FOXN2: variants seen among roughly 807,000 people sequenced by gnomAD.
The protein encoded by FOXN2 is forkhead box N2, also known as forkhead box protein N2.
In FOXN2, 19 loss-of-function variants were observed where a neutral mutation model predicts 41.2. The ratio of observed to expected loss-of-function variants is 0.46; its 90% confidence interval spans 0.32 to 0.68. FOXN2 has a LOEUF of 0.68. FOXN2 is among the 30% of genes least tolerant of loss of function. The pLI is 0.03. For synonymous variants in FOXN2, 195 were observed against 176.8 expected (o/e 1.10, Z -0.82); for missense variants, 587 against 509.4 (o/e 1.15, Z -1.47).
chr2:48,354,870 C>G (rs1015349585), intron 3 of FOXN2, among the ~76,000 whole-genome samples: 1 of 152,036 alleles, frequency 6.6e-6, no homozygotes, highest in Admixed American at 6.5e-5. Context: ...GAGGGACATT[C>G]AAATTAAAAG....
At chr2:48,374,159 G>C (rs780080447) in intron 6 of FOXN2, among the ~76,000 whole-genome samples, 1 of 151,668 alleles carries the variant, frequency 6.6e-6, no homozygotes, top group African/African-American at 2.4e-5. Context: ...TATAACAAAG[G>C]ATTAGTATCA....
In FOXN2 at chr2:48,333,552, A is replaced by G. The variant is rs549289403; in HGVS notation, c.-15+4850A>G. 2.6e-5 allele frequency among the ~76,000 whole-genome samples: 4 copies of G among 152,304 alleles called. No individual in the cohort carries two copies. In the South Asian group the frequency reaches 6.2e-4, roughly 24 times the overall value. ...TTTGTTGGGGGGAATCACGAAGTTT[A>G]TGCATTAAATTCATGTCCCTTAAGG... On this transcript the variant is annotated intron_variant, in intron 2 of 6. Transcript: ENST00000340553.
intron 3 of FOXN2, among the ~76,000 whole-genome samples, chr2:48,356,952 A>G (rs1200917118): frequency 1.3e-5 from 2 of 152,230 alleles, no homozygotes; most frequent in African/African-American, 2.4e-5. Flanking sequence ...CTATTTTGTT[A>G]TAGGCAAATT....
intron 3 of FOXN2, among the ~76,000 whole-genome samples, chr2:48,357,624 A>C (rs926287620): frequency 2.7e-4 from 41 of 151,728 alleles, no homozygotes; most frequent in African/African-American, 9.9e-4. Flanking sequence ...TTTTGTAGAG[A>C]CAGAGTTTTG....
At position 48,375,362 on chromosome 2, in the gene FOXN2, C is replaced by G. The variant is rs748357224; in HGVS notation, c.1215C>G (p.Leu405=). Reference sequence around the variant, plus strand: ...TCAAAGAGGCAGCTGGATCTCTGCTCCACCTTGCTGGAATTCGTACATGTT... The same window carrying G: ...TCAAAGAGGCAGCTGGATCTCTGCTGCACCTTGCTGGAATTCGTACATGTT... ...EELKEAAGSL[L]HLAGIRTCLG... Residue 405 remains leucine (L), a synonymous_variant, in exon 7 of 7, where the codon CTC becomes CTG. Coordinates refer to ENST00000340553, the MANE Select transcript of FOXN2 (RefSeq NM_002158.4). 1 of 1,613,612 alleles carries G rather than the reference C, an allele frequency of 6.2e-7. No individual in the cohort carries two copies. The highest frequency in any genetic ancestry group is 1.7e-5 in the Admixed American group (1 of 59,884).
chr2:48,369,206 A>G (rs1672725414), intron 5 of FOXN2, among the ~76,000 whole-genome samples: 1 of 152,198 alleles, frequency 6.6e-6, no homozygotes, highest in African/African-American at 2.4e-5. Context: ...TTGTGTTTCA[A>G]AATAATGTTC....
intron 1 of FOXN2, among the ~76,000 whole-genome samples, chr2:48,318,647 A>G (rs1669090355): frequency 6.6e-6 from 1 of 152,198 alleles, no homozygotes. Context: ...TGTATTTGTA[A>G]TTTCCCTCGA....
At chr2:48,327,570 C>T (rs1669758290) in intron 1 of FOXN2, among the ~76,000 whole-genome samples, 1 of 152,088 alleles carries the variant, frequency 6.6e-6, no homozygotes, top group African/African-American at 2.4e-5. Flanking sequence ...CTCAGCCTCC[C>T]AAGTAGCTGG....
Position 48,378,734 on chromosome 2 carries a change from C to G in FOXN2, c.*3291C>G, listed in dbSNP as rs891059662. 6 of 150,264 alleles carry G rather than the reference C, an allele frequency of 4.0e-5. No homozygotes were observed. Among genetic ancestry groups the G allele is most frequent in the African/African-American group, 1.2e-4 (5 of 40,834 alleles). The allele number at this position is 150,264 out of a possible 1,614,324, so 9.3% of individuals were successfully genotyped here. On this transcript the variant is annotated 3_prime_UTR_variant, in exon 7 of 7. Transcript: ENST00000340553. ...GAAATGTGTAAGCTTTGATTTAAAC[C>G]AAGTTTACTTCAGTATGTTAATGAT...
At chr2:48,371,275 G>A (rs1402340359) in intron 5 of FOXN2, among the ~76,000 whole-genome samples, 1 of 152,096 alleles carries the variant, frequency 6.6e-6, no homozygotes, top group African/African-American at 2.4e-5. Flanking sequence ...GCACGCCTCT[G>A]TAATCCTAGC....
intron 2 of FOXN2, among the ~76,000 whole-genome samples, chr2:48,329,718 T>C (rs1046056672): frequency 2.0e-5 from 3 of 152,314 alleles, no homozygotes; most frequent in Non-Finnish European, 2.9e-5. Context: ...TTTTACCCTC[T>C]AATCTCAGTA....
In FOXN2 at chr2:48,379,002, A is replaced by G. The variant is rs1558648630; in HGVS notation, c.*3559A>G. ...TAACTATTATTTATTTTTAAATGAA[A>G]GTGTAAGAATGCTTTCTGATTCAAC... On this transcript the variant is annotated 3_prime_UTR_variant, in exon 7 of 7. Coordinates refer to ENST00000340553, the MANE Select transcript of FOXN2 (RefSeq NM_002158.4). 1 of 152,606 alleles carries G rather than the reference A, an allele frequency of 6.6e-6. No homozygotes were observed. The allele number at this position is 152,606 out of a possible 1,614,324, so 9.5% of individuals were successfully genotyped here.
At position 48,378,056 on chromosome 2, in the gene FOXN2, G is replaced by A. The variant is rs183016804; in HGVS notation, c.*2613G>A. ...TAAGCTAACATATAATTTGCCTTAC[G>A]TCAAAAGAATATGTTTTGTTGCAGC... is the stretch of plus-strand genomic sequence containing the variant. On this transcript the variant is annotated 3_prime_UTR_variant, in exon 7 of 7. Transcript: ENST00000340553. 12 of 152,414 alleles carry A rather than the reference G, an allele frequency of 7.9e-5. No homozygotes were observed. Among genetic ancestry groups the A allele is most frequent in the East Asian group, 5.8e-4 (3 of 5,180 alleles). The allele number at this position is 152,414 out of a possible 1,614,324, so 9.4% of individuals were successfully genotyped here. A position where few individuals can be genotyped will look rare whatever the true frequency, so the allele number is the denominator to read the frequency against.
intron 2 of FOXN2, among the ~76,000 whole-genome samples, chr2:48,341,327 G>C (rs961539715): frequency 6.6e-6 from 1 of 151,950 alleles, no homozygotes; most frequent in Admixed American, 6.6e-5. Context: ...AAGTTTTCTT[G>C]ATTTTATTGT....
intron 1 of FOXN2, among the ~76,000 whole-genome samples, chr2:48,325,908 G>A (rs1384398709): frequency 6.7e-6 from 1 of 149,792 alleles, no homozygotes; most frequent in Non-Finnish European, 1.5e-5. Context: ...GAGTGCAGTG[G>A]TGCGATTTTG....
At chr2:48,324,750 T>C (rs912188097) in intron 1 of FOXN2, among the ~76,000 whole-genome samples, 2 of 152,222 alleles carry the variant, frequency 1.3e-5, no homozygotes, top group Admixed American at 6.5e-5. Context: ...TCTTATAAAA[T>C]AACTTTAGTG....
At chr2:48,340,399 C>T (rs1236551821) in intron 2 of FOXN2, among the ~76,000 whole-genome samples, 1 of 152,012 alleles carries the variant, frequency 6.6e-6, no homozygotes, top group African/African-American at 2.4e-5. Context: ...CAGAGAATTC[C>T]AATACATAAT....
chr2:48,373,913 G>T (rs929489616), intron 6 of FOXN2, among the ~76,000 whole-genome samples: 2 of 152,008 alleles, frequency 1.3e-5, no homozygotes, highest in South Asian at 2.1e-4. Flanking sequence ...AAATTAGCCA[G>T]ATGTGGTGGT....
chr2:48,347,533 TTGTGTGTGTG>T (rs113177559), intron 3 of FOXN2, among the ~76,000 whole-genome samples: 30 of 148,126 alleles, frequency 2.0e-4, no homozygotes, highest in African/African-American at 6.7e-4. Context: ...AGCCGAGGTG[TTGTGTGTGTG>T]TGTGTGTGTG....
Sources: gnomAD v4.1 joint callset for allele counts (sites outside exome capture counted in the v4.1 genomes callset) on GRCh38, gnomAD v4.1.1 for gene constraint, MANE v1.5 for transcripts, NCBI Gene and HGNC (gene_info 2026-07-23, HGNC 2026-07-21) for gene names.